Variants in USH2A observed in about 807,000 individuals in gnomAD.
The protein encoded by USH2A is usherin.
USH2A carries 443 observed loss-of-function variants against 538.9 expected under a neutral mutation model. That is an observed-to-expected ratio of 0.82 (90% CI 0.76 to 0.89). The LOEUF is 0.89. USH2A is among the 40% of genes least tolerant of loss of function. The pLI, the probability that USH2A is intolerant of heterozygous loss-of-function variation, is 0.00. For synonymous variants in USH2A, 2,413 were observed against 2,273.5 expected, an observed-to-expected ratio of 1.06 and a Z score of -1.75; for missense variants, 6,633 against 6,324.8, an observed-to-expected ratio of 1.05 and a Z score of -1.65.
Position 216,346,181 on chromosome 1 carries a change from G to A in USH2A, c.785-18527C>T, listed in dbSNP as rs181930258. 7.0e-4 allele frequency among the ~76,000 whole-genome samples: 106 copies of A among 152,172 alleles called. 2 individuals carry two copies. The highest frequency in any genetic ancestry group is 1.9e-3 in the South Asian group (9 of 4,828). ...AAAAGCCAGAATTATTGACAGTTTC[G>A]CCTGGCTAAAGTCAGGTAATAAGAA... is the stretch of plus-strand genomic sequence containing the variant. On this transcript the variant is annotated intron_variant, in intron 4 of 71. Coordinates refer to ENST00000307340, the MANE Select transcript of USH2A (RefSeq NM_206933.4).
intron 37 of USH2A, among the ~76,000 whole-genome samples, chr1:215,958,627 C>A (rs1402472962): frequency 1.3e-5 from 2 of 151,966 alleles, no homozygotes; most frequent in Non-Finnish European, 2.9e-5. Context: ...ATCTTTTCTA[C>A]CTGGAAATAT....
At chr1:216,388,371 A>C (rs1228105435) in intron 3 of USH2A, among the ~76,000 whole-genome samples, 1 of 149,314 alleles carries the variant, frequency 6.7e-6, no homozygotes, top group Non-Finnish European at 1.5e-5. Flanking sequence ...CTGGAAACCC[A>C]TGAATTGCAT....
At chr1:216,244,294 G>A (rs2035992419) in intron 13 of USH2A, among the ~76,000 whole-genome samples, 1 of 152,102 alleles carries the variant, frequency 6.6e-6, no homozygotes, top group Admixed American at 6.6e-5. Flanking sequence ...TGGGAGAAAG[G>A]GAATATCAGG....
chr1:215,726,876 T>C (rs1659834905), intron 61 of USH2A, among the ~76,000 whole-genome samples: 1 of 152,188 alleles, frequency 6.6e-6, no homozygotes. Context: ...GGGATCTAAG[T>C]CTCAGTGTAG....
intron 47 of USH2A, among the ~76,000 whole-genome samples, chr1:215,834,413 A>T (rs1558118783): frequency 6.6e-6 from 1 of 152,192 alleles, no homozygotes; most frequent in African/African-American, 2.4e-5. Context: ...TCTTAAATGC[A>T]TTATGCTAAC....
At chr1:215,979,180 T>TTTTGCAGGGAA (rs1667692037) in intron 35 of USH2A, among the ~76,000 whole-genome samples, 1 of 152,078 alleles carries the variant, frequency 6.6e-6, no homozygotes, top group African/African-American at 2.4e-5. Flanking sequence ...AACCATTAGA[T>TTTTGCAGGGAA]CTCATGAGAC....
chr1:216,078,413 G>C (rs1375559610), intron 26 of USH2A, 51 bp from the exon 27 acceptor site: 1 of 1,564,394 alleles, frequency 6.4e-7, no homozygotes, highest in Admixed American at 1.7e-5. Flanking sequence ...GCTGCAGAAG[G>C]GCAGTTTGGG....
At position 216,321,930 on chromosome 1, in the gene USH2A, G is replaced by C. The variant is rs539087984; in HGVS notation, c.1597C>G (p.Pro533Ala). The C allele has an allele frequency of 1.2e-6, 2 of 1,613,810 alleles. No individual in the cohort carries two copies. The highest frequency in any genetic ancestry group is 1.7e-5 in the Admixed American group (1 of 59,972). ...HADNCDTTSQ[P>A]YRCLCSQESF... Reference sequence around the variant, plus strand: ...TCCTGGGAGCAGAGGCATCTATATGGCTGGCTTGTTGTGTCGCAGTTATCG... The same window carrying C: ...TCCTGGGAGCAGAGGCATCTATATGCCTGGCTTGTTGTGTCGCAGTTATCG... The change falls in exon 9 of 72, where the codon CCA becomes GCA. Residue 533 changes from proline (P) to alanine (A), a missense_variant. By Grantham distance (27) the Pro-to-Ala change is conservative (BLOSUM62 -1). Coordinates refer to ENST00000307340, the MANE Select transcript of USH2A (RefSeq NM_206933.4).
intron 37 of USH2A, among the ~76,000 whole-genome samples, chr1:215,962,854 C>T (rs1349404731): frequency 2.6e-5 from 4 of 152,036 alleles, no homozygotes; most frequent in Non-Finnish European, 4.4e-5. Context: ...CACTTTGATA[C>T]GTGCCACTTC....
intron 58 of USH2A, 134 bp from the exon 59 acceptor site, chr1:215,743,469 T>A (rs1049364676): frequency 7.3e-5 from 19 of 259,796 alleles, no homozygotes; most frequent in Non-Finnish European, 1.2e-4. Context: ...TAGACACACA[T>A]ATATATATAA....
At chr1:216,075,827 G>T (rs1428843702) in intron 27 of USH2A, among the ~76,000 whole-genome samples, 1 of 149,140 alleles carries the variant, frequency 6.7e-6, no homozygotes, top group African/African-American at 2.5e-5. Context: ...CTTGTATCTG[G>T]TTCGGAGGAA....
chr1:216,030,963 A>C (rs923102798), intron 32 of USH2A, among the ~76,000 whole-genome samples: 1 of 151,978 alleles, frequency 6.6e-6, no homozygotes, highest in African/African-American at 2.4e-5. Flanking sequence ...TGAGGAAAGA[A>C]TACTTTGAAT....
rs376591221 is a variant in USH2A at position 216,246,594 on chromosome 1, A to G, written c.2800T>C (p.Cys934Arg). Reference protein sequence around the residue: ...PNRQGRRCNQCQPGFYISPGN... With the variant: ...PNRQGRRCNQRQPGFYISPGN... Reference sequence around the variant, plus strand: ...TACATTTCTTTCTTACCTGGTTGACACTGATTACACCTTCTTCCTTGACGA... The same window carrying G: ...TACATTTCTTTCTTACCTGGTTGACGCTGATTACACCTTCTTCCTTGACGA... Residue 934 changes from cysteine (C) to arginine (R), a missense_variant, in exon 13 of 72, where the codon TGT becomes CGT. Transcript: ENST00000307340. The G allele has an allele frequency of 3.1e-6, 5 of 1,614,060 alleles. No individual in the cohort carries two copies. Among genetic ancestry groups the G allele is most frequent in the Non-Finnish European group, 8.5e-7 (1 of 1,179,936 alleles).
At chr1:215,801,057 T>C (rs1451720618) in intron 49 of USH2A, among the ~76,000 whole-genome samples, 2 of 152,146 alleles carry the variant, frequency 1.3e-5, no homozygotes, top group Non-Finnish European at 2.9e-5. Context: ...TCTCAGTTGA[T>C]GTAGAACAAA....
intron 37 of USH2A, among the ~76,000 whole-genome samples, chr1:215,963,142 C>T (rs1390174642): frequency 6.6e-6 from 1 of 152,044 alleles, no homozygotes; most frequent in Non-Finnish European, 1.5e-5. Context: ...AACCAATTAG[C>T]CATTAGACAA....
intron 45 of USH2A, 98 bp downstream of exon 45, chr1:215,845,726 A>C: frequency 7.3e-7 from 1 of 1,378,162 alleles, no homozygotes; most frequent in Non-Finnish European, 1.0e-6. Context: ...CCACACCGGA[A>C]ATTTTATAAT....
Position 216,135,134 on chromosome 1 carries a change from A to ACT in USH2A, c.4628-37923_4628-37922dup, listed in dbSNP as rs10560983. Among the ~76,000 whole-genome samples, 144 of 121,018 alleles carry ACT rather than the reference A, an allele frequency of 1.2e-3. 1 individual carries two copies. The highest frequency in any genetic ancestry group is 2.6e-3 in the Admixed American group (30 of 11,690). 79.4% of individuals were successfully genotyped at this position (121,018 alleles called of 152,430 possible). ...ATTAATATCTGTCTTGGAGCCTGAA[A>ACT]CTCTCTCTCTCTCTCTCTCTCTCTC... On this transcript the variant is annotated intron_variant, in intron 21 of 71. Transcript: ENST00000307340.
chr1:216,369,214 T>C (rs977687233), intron 3 of USH2A, among the ~76,000 whole-genome samples: 3 of 152,188 alleles, frequency 2.0e-5, no homozygotes, highest in African/African-American at 7.2e-5. Flanking sequence ...ATTCCATCCA[T>C]AATTTTTAAG....
At chr1:216,324,479 T>A in intron 6 of USH2A, 127 bp from the exon 7 acceptor site, 1 of 903,156 alleles carries the variant, frequency 1.1e-6, no homozygotes, top group Non-Finnish European at 1.7e-6. Context: ...ATCAAATATG[T>A]ATTAGACATC....
Sources: allele counts gnomAD v4.1 joint callset (sites outside exome capture counted in the v4.1 genomes callset), GRCh38; gene constraint gnomAD v4.1.1; transcripts MANE v1.5; gene names NCBI Gene and HGNC (gene_info 2026-07-23, HGNC 2026-07-21).